BLTP1: variants seen among roughly 807,000 people sequenced by gnomAD.
BLTP1 encodes the protein fragile site-associated protein.
the BLTP1 span, among the ~76,000 whole-genome samples, chr4:122,360,740 T>A: frequency 6.6e-6 from 1 of 152,222 alleles, no homozygotes; most frequent in Admixed American, 6.5e-5. Context: ...ATGAGAAATA[T>A]TAACTGTTAA....
At chr4:122,250,341 T>C in the BLTP1 span, 2 of 1,570,524 alleles carry the variant, frequency 1.3e-6, no homozygotes, top group African/African-American at 2.7e-5. Flanking sequence ...TTATAATAAA[T>C]GCTTTTTTTT....
the BLTP1 span, chr4:122,289,342 CT>C: frequency 2.5e-6 from 2 of 802,490 alleles, no homozygotes; most frequent in East Asian, 3.1e-5. Context: ...CCTTTTATGG[CT>C]TTTCCACCTA....
the BLTP1 span, chr4:122,209,449 A>G: frequency 9.5e-7 from 1 of 1,051,406 alleles, no homozygotes; most frequent in Non-Finnish European, 1.4e-6. Context: ...GTTCGAGACC[A>G]GCCTGGCCAA....
At chr4:122,263,506 T>C in the BLTP1 span, 2 of 1,612,796 alleles carry the variant, frequency 1.2e-6, no homozygotes, top group South Asian at 2.2e-5. Flanking sequence ...CATCTGTGAG[T>C]TTCTATAATT....
the BLTP1 span, among the ~76,000 whole-genome samples, chr4:122,294,127 G>T: frequency 1.3e-5 from 2 of 152,008 alleles, no homozygotes; most frequent in East Asian, 1.9e-4. Context: ...TCTCTCCCTG[G>T]GGGGTGGGGC....
At chr4:122,191,771 C>G in the BLTP1 span, among the ~76,000 whole-genome samples, 1 of 151,982 alleles carries the variant, frequency 6.6e-6, no homozygotes, top group Non-Finnish European at 1.5e-5. Flanking sequence ...TTTACGAGGC[C>G]AGATCTTTTC....
At chr4:122,305,755 C>G in the BLTP1 span, 16,157 of 1,355,184 alleles carry the variant, frequency 0.012, 289 homozygotes, top group African/African-American at 0.081. Context: ...TATACATTAA[C>G]AGCTGAATTT....
At chr4:122,199,570 C>T in the BLTP1 span, 100 of 826,188 alleles carry the variant, frequency 1.2e-4, no homozygotes, top group Middle Eastern at 6.6e-4. Context: ...AGTTCAAGAA[C>T]AGCTAGGGAA....
chr4:122,288,802 G>A, the BLTP1 span: 1 of 374,502 alleles, frequency 2.7e-6, no homozygotes, highest in Non-Finnish European at 3.7e-6. Context: ...TTCAAAATTA[G>A]CAAGTTAAAT....
the BLTP1 span, chr4:122,246,728 A>G: frequency 5.0e-6 from 8 of 1,612,764 alleles, no homozygotes; most frequent in Non-Finnish European, 2.5e-6. Flanking sequence ...ATCTCCAACT[A>G]CGGCTCCTAG....
At chr4:122,159,407 G>A in the BLTP1 span, among the ~76,000 whole-genome samples, 1 of 151,324 alleles carries the variant, frequency 6.6e-6, no homozygotes, top group Admixed American at 6.6e-5. Context: ...AGGTTGCAGT[G>A]AGCCAGATCG....
chr4:122,306,119 G>A, the BLTP1 span: 9 of 1,403,874 alleles, frequency 6.4e-6, no homozygotes, highest in Admixed American at 2.1e-4. Context: ...GAATCTTGTA[G>A]TTTACTGGTG....
chr4:122,274,222 T>A, the BLTP1 span: 1 of 675,524 alleles, frequency 1.5e-6, no homozygotes, highest in South Asian at 2.1e-5. Flanking sequence ...TGAACAAAAT[T>A]TACCATAACT....
the BLTP1 span, chr4:122,247,335 A>G: frequency 6.2e-7 from 1 of 1,613,334 alleles, no homozygotes; most frequent in Non-Finnish European, 8.5e-7. Flanking sequence ...TTCATGGGCA[A>G]CTTAGGGGTC....
At chr4:122,152,934 TG>T in the BLTP1 span, 1 of 941,012 alleles carries the variant, frequency 1.1e-6, no homozygotes, top group South Asian at 4.9e-5. Flanking sequence ...CCAGCTGCAC[TG>T]GGTTGTAGTA....
chr4:122,153,236 T>C, the BLTP1 span, among the ~76,000 whole-genome samples: 2 of 151,022 alleles, frequency 1.3e-5, no homozygotes, highest in Non-Finnish European at 2.9e-5. Context: ...CATGTGAATT[T>C]CCTTTTTAAG....
chr4:122,237,614 G>T, the BLTP1 span: 1 of 733,838 alleles, frequency 1.4e-6, no homozygotes, highest in Non-Finnish European at 1.7e-6. Context: ...GATTTAAAAA[G>T]AAGAAAAAAA....
the BLTP1 span, among the ~76,000 whole-genome samples, chr4:122,199,121 A>G: frequency 3.3e-5 from 5 of 152,194 alleles, no homozygotes; most frequent in East Asian, 5.8e-4. Context: ...TTTGCAAACT[A>G]CAAAGGAAAG....
the BLTP1 span, chr4:122,325,085 T>C: frequency 1.1e-5 from 8 of 734,204 alleles, no homozygotes; most frequent in Non-Finnish European, 1.4e-5. Context: ...TTTTATGGGA[T>C]GCTAAAGGTT....
Sources: gnomAD v4.1 joint callset for allele counts (sites outside exome capture counted in the v4.1 genomes callset) on GRCh38, gnomAD v4.1.1 for gene constraint, MANE v1.5 for transcripts, NCBI Gene and HGNC (gene_info 2026-07-23, HGNC 2026-07-21) for gene names.